LRRIQ3: variants seen among roughly 807,000 people sequenced by gnomAD.
LRRIQ3 encodes the protein leucine rich repeats and IQ motif containing 3, also known as leucine-rich repeat and IQ domain-containing protein 3.
A neutral mutation model predicts 59.3 loss-of-function variants in LRRIQ3; 75 were observed. That is an observed-to-expected ratio of 1.26 (90% confidence interval 1.05 to 1.53). The LOEUF is 1.53. LRRIQ3 is among the 40% of genes most tolerant of loss of function. The pLI, the probability that LRRIQ3 is intolerant of heterozygous loss-of-function variation, is 0.00. For synonymous variants in LRRIQ3, 250 were observed against 231.3 expected (o/e 1.08, Z -0.73); for missense variants, 831 against 710.0 (o/e 1.17, Z -1.94).
intron 3 of LRRIQ3, among the ~76,000 whole-genome samples, chr1:74,159,868 G>A (rs1008012354): frequency 4.6e-5 from 7 of 151,954 alleles, no homozygotes; most frequent in Admixed American, 3.3e-4. Flanking sequence ...ACGATTCTTC[G>A]TCGTGTCAAC....
intron 5 of LRRIQ3, among the ~76,000 whole-genome samples, chr1:74,080,363 C>T (rs371886023): frequency 1.1e-4 from 16 of 151,688 alleles, no homozygotes; most frequent in Admixed American, 5.9e-4. Context: ...ATAGAACTCT[C>T]CACAATTGAC....
intron 4 of LRRIQ3, among the ~76,000 whole-genome samples, chr1:74,110,186 T>G (rs1014062107): frequency 6.6e-6 from 1 of 151,862 alleles, no homozygotes; most frequent in Admixed American, 6.6e-5. Context: ...AAAAACTACA[T>G]GTTTTCCCTC....
intron 1 of LRRIQ3, among the ~76,000 whole-genome samples, chr1:74,185,981 A>G (rs1483250086): frequency 6.6e-6 from 1 of 151,554 alleles, no homozygotes; most frequent in Non-Finnish European, 1.5e-5. Flanking sequence ...TTCTTCACAT[A>G]ATGCTAAAGG....
At chr1:74,164,087 T>C (rs1425561839) in intron 3 of LRRIQ3, among the ~76,000 whole-genome samples, 1 of 151,346 alleles carries the variant, frequency 6.6e-6, no homozygotes, top group East Asian at 1.9e-4. Context: ...TTTAATTAGA[T>C]TGTTTCATAT....
At chr1:74,065,474 C>G (rs1468504347) in intron 6 of LRRIQ3, among the ~76,000 whole-genome samples, 1 of 151,982 alleles carries the variant, frequency 6.6e-6, no homozygotes, top group East Asian at 1.9e-4. Context: ...GTTTTTATCT[C>G]ACTGTAGATG....
At chr1:74,151,265 C>T (rs1647927083) in intron 4 of LRRIQ3, among the ~76,000 whole-genome samples, 1 of 151,946 alleles carries the variant, frequency 6.6e-6, no homozygotes, top group Non-Finnish European at 1.5e-5. Context: ...ATCTGCCCAC[C>T]TCAGCCTGAA....
intron 3 of LRRIQ3, chr1:74,181,658 C>G (rs1474546708): frequency 1.3e-5 from 2 of 151,670 alleles, no homozygotes; most frequent in Non-Finnish European, 3.0e-5. Flanking sequence ...ATATTTTTAA[C>G]TATTAGTACA....
chr1:74,121,587 G>GT (rs1251869265), intron 4 of LRRIQ3, among the ~76,000 whole-genome samples: 3 of 151,554 alleles, frequency 2.0e-5, no homozygotes, highest in Non-Finnish European at 4.4e-5. Context: ...TTACTTTTCT[G>GT]TTTTTTTAAT....
intron 6 of LRRIQ3, 86 bp from the exon 7 acceptor site, chr1:74,042,019 A>G: frequency 7.6e-7 from 1 of 1,313,750 alleles, no homozygotes; most frequent in Non-Finnish European, 9.9e-7. Context: ...TAAACTTGAT[A>G]AGAACCTTTT....
rs143193251 is a variant in LRRIQ3 at position 74,183,652 on chromosome 1, G to A, written c.33C>T (p.Thr11=). Residue 11 remains threonine, a synonymous_variant, in exon 2 of 8, where the codon ACC becomes ACT. Transcript: ENST00000354431. ...TATAGTGACTCCATTCTTCATGACTGGTTAGCTCTTCTGTGACTGTTCCAT... is the reference window on the plus strand; with the variant it reads ...TATAGTGACTCCATTCTTCATGACTAGTTAGCTCTTCTGTGACTGTTCCAT... MFHGTVTEEL[T]SHEEWSHYNE... The A allele has an allele frequency of 2.5e-6, 4 of 1,605,116 alleles. No individual in the cohort carries two copies. Among genetic ancestry groups the A allele is most frequent in the African/African-American group, 1.3e-5 (1 of 74,384 alleles).
intron 3 of LRRIQ3, among the ~76,000 whole-genome samples, chr1:74,158,859 T>C (rs927121138): frequency 2.0e-5 from 3 of 152,042 alleles, no homozygotes; most frequent in African/African-American, 7.2e-5. Flanking sequence ...AAAGGTTTTG[T>C]CCCCACCAAT....
intron 5 of LRRIQ3, among the ~76,000 whole-genome samples, chr1:74,084,412 A>G (rs1455216415): frequency 6.6e-6 from 1 of 151,772 alleles, no homozygotes; most frequent in Non-Finnish European, 1.5e-5. Flanking sequence ...AAACATGTGA[A>G]TTTTCACATT....
Position 74,198,024 on chromosome 1 carries a change from A to G in LRRIQ3, c.-29T>C. 1.5e-6 allele frequency: 1 copy of G among 657,728 alleles called. No homozygotes were observed. Among genetic ancestry groups the G allele is most frequent in the Non-Finnish European group, 2.4e-6 (1 of 411,638 alleles). The allele number at this position is 657,728 out of a possible 1,614,324, so 40.7% of individuals were successfully genotyped here. On this transcript the variant is annotated 5_prime_UTR_variant, in exon 1 of 8. Transcript: ENST00000354431. ...GTCAACTGGGCTGCAAGCCCTTATG[A>G]GTTGGAGACAAGTGGCCCAGCCCCA... is the stretch of plus-strand genomic sequence containing the variant.
intron 5 of LRRIQ3, among the ~76,000 whole-genome samples, chr1:74,106,271 C>G (rs368065313): frequency 6.6e-6 from 1 of 151,986 alleles, no homozygotes; most frequent in African/African-American, 2.4e-5. Flanking sequence ...AAGTTTCTGG[C>G]CATCACTTTC....
chr1:74,180,513 C>T, intron 3 of LRRIQ3: 1 of 462,446 alleles, frequency 2.2e-6, no homozygotes, highest in Middle Eastern at 3.9e-4. Context: ...ATCTTTTCAC[C>T]AAAAGTCTTT....
chr1:74,094,372 T>C (rs75273073), intron 5 of LRRIQ3, among the ~76,000 whole-genome samples: 3 of 152,064 alleles, frequency 2.0e-5, no homozygotes, highest in Non-Finnish European at 4.4e-5. Context: ...GGGGTCTTTG[T>C]AAGAGGGAGG....
At chr1:74,187,952 T>G (rs1346697802) in intron 1 of LRRIQ3, among the ~76,000 whole-genome samples, 1 of 152,088 alleles carries the variant, frequency 6.6e-6, no homozygotes, top group Non-Finnish European at 1.5e-5. Flanking sequence ...ATTGTTCTAT[T>G]ATAAAGACAC....
At chr1:74,171,297 A>T (rs1649306704) in intron 3 of LRRIQ3, among the ~76,000 whole-genome samples, 1 of 152,122 alleles carries the variant, frequency 6.6e-6, no homozygotes. Flanking sequence ...TATAGTCCTT[A>T]TATTGCATTG....
In LRRIQ3 at chr1:74,113,875, T is replaced by C. The variant is rs1395558320; in HGVS notation, c.708-4322A>G. Among the ~76,000 whole-genome samples the C allele has an allele frequency of 2.6e-5, 4 of 152,056 alleles. No individual in the cohort carries two copies. The South Asian group carries it at 6.2e-4, about 24-fold the overall frequency. On this transcript the variant is annotated intron_variant, in intron 4 of 7. Coordinates refer to ENST00000354431, the MANE Select transcript of LRRIQ3 (RefSeq NM_001105659.2). The stretch of plus-strand genomic sequence containing the variant: ...GCAAAGGTAATTATGTAATTATTAA[T>C]GGGTATAAATGCATATTTTTTCTCT...
Sources: allele counts gnomAD v4.1 joint callset (sites outside exome capture counted in the v4.1 genomes callset), GRCh38; gene constraint gnomAD v4.1.1; transcripts MANE v1.5; gene names NCBI Gene and HGNC (gene_info 2026-07-23, HGNC 2026-07-21).